The following AFDN variants were observed in gnomAD, a reference collection of about 807,000 sequenced individuals.
AFDN encodes afadin, adherens junction formation factor, also known as afadin.
AFDN carries 68 observed loss-of-function variants against 216.6 expected under a neutral mutation model. That is an observed-to-expected ratio of 0.31 (90% CI 0.26 to 0.38). The LOEUF is 0.38. AFDN is among the 10% of genes least tolerant of loss of function. AFDN has a pLI of 1.00. For synonymous variants in AFDN, 868 were observed against 853.7 expected, an observed-to-expected ratio of 1.02 and a Z score of -0.29; for missense variants, 2,136 against 2,342.0, an observed-to-expected ratio of 0.91 and a Z score of 1.82.
intron 12 of AFDN, among the ~76,000 whole-genome samples, chr6:167,906,060 G>A (rs1184932911): frequency 6.6e-6 from 1 of 152,150 alleles, no homozygotes; most frequent in Non-Finnish European, 1.5e-5. Flanking sequence ...CTGAGATCGC[G>A]CCACTGCACT....
intron 1 of AFDN, among the ~76,000 whole-genome samples, chr6:167,834,783 C>T (rs1780234506): frequency 6.6e-6 from 1 of 151,806 alleles, no homozygotes; most frequent in Non-Finnish European, 1.5e-5. Context: ...AGTTTGTGAC[C>T]AGTCTGGGCA....
At chr6:167,843,089 G>C (rs569895487) in intron 1 of AFDN, among the ~76,000 whole-genome samples, 10 of 152,144 alleles carry the variant, frequency 6.6e-5, no homozygotes, top group Non-Finnish European at 1.2e-4. Flanking sequence ...AAGTGCACTT[G>C]GGTAGCTGAC....
At chr6:167,879,089 C>T (rs964318883) in intron 5 of AFDN, among the ~76,000 whole-genome samples, 4 of 152,210 alleles carry the variant, frequency 2.6e-5, no homozygotes, top group African/African-American at 4.8e-5. Flanking sequence ...GCTGTTGAGG[C>T]AGGAATATCA....
chr6:167,952,770 T>C (rs542582435), intron 30 of AFDN, among the ~76,000 whole-genome samples: 1 of 152,232 alleles, frequency 6.6e-6, no homozygotes, highest in Non-Finnish European at 1.5e-5. Context: ...ATCATTACAT[T>C]TACAGTCATT....
chr6:167,869,033 C>T (rs1784515568), intron 2 of AFDN, among the ~76,000 whole-genome samples: 1 of 151,894 alleles, frequency 6.6e-6, no homozygotes, highest in South Asian at 2.1e-4. Flanking sequence ...ACCTTGGCCT[C>T]CCAAAGTGCT....
chr6:167,944,176 A>G, intron 26 of AFDN, 117 bp downstream of exon 26: 2 of 779,648 alleles, frequency 2.6e-6, no homozygotes, highest in Non-Finnish European at 2.1e-6. Context: ...AGAGAAAGAA[A>G]TTGAGGATGA....
At chr6:167,952,345 G>A (rs745860335) in intron 30 of AFDN, 158 bp downstream of exon 30, 11 of 1,505,978 alleles carry the variant, frequency 7.3e-6, no homozygotes, top group Admixed American at 4.6e-5. Flanking sequence ...GGCTGATGTC[G>A]TAGAGAAATG....
At position 167,918,781 on chromosome 6, in the gene AFDN, A is replaced by G; in HGVS notation, c.2756A>G (p.Glu919Gly). The change falls in exon 21 of 34, where the codon GAG (glutamate) becomes GGG (glycine). Residue 919 changes from glutamate to glycine, a missense_variant. Glu to Gly is a moderately conservative substitution (Grantham distance 98, BLOSUM62 -2). Around this residue, in one of 8 missense-constraint regions of AFDN, gnomAD observed 162 missense variants for 182.6 expected, o/e 0.89. Transcript: ENST00000683244. ...VVTVAENTAD[E>G]LARSDGREVQ... Reference sequence around the variant, plus strand: ...ACTGTGGCTGAAAACACTGCCGATGAGCTGGCCCGCAGTGATGGAAGGGAA... The same window carrying G: ...ACTGTGGCTGAAAACACTGCCGATGGGCTGGCCCGCAGTGATGGAAGGGAA... 1 of 1,614,054 alleles carries G rather than the reference A, an allele frequency of 6.2e-7. No homozygotes were observed. Among genetic ancestry groups the G allele is most frequent in the Non-Finnish European group, 8.5e-7 (1 of 1,179,952 alleles).
chr6:167,879,066 C>T (rs1474284263), intron 5 of AFDN, among the ~76,000 whole-genome samples: 3 of 152,168 alleles, frequency 2.0e-5, no homozygotes, highest in Non-Finnish European at 4.4e-5. Context: ...TACTTCCCAA[C>T]CACAGGATGT....
At chr6:167,885,884 C>G (rs1047907451) in intron 6 of AFDN, among the ~76,000 whole-genome samples, 1 of 152,156 alleles carries the variant, frequency 6.6e-6, no homozygotes, top group Non-Finnish European at 1.5e-5. Context: ...TAAACAAAAC[C>G]AGATAACACA....
chr6:167,941,877 T>TG (rs1398268263), intron 23 of AFDN, among the ~76,000 whole-genome samples: 2 of 152,198 alleles, frequency 1.3e-5, no homozygotes, highest in African/African-American at 4.8e-5. Flanking sequence ...GGAGAATACT[T>TG]GATTTTGCTT....
chr6:167,887,600 C>T (rs139372392), intron 6 of AFDN, among the ~76,000 whole-genome samples: 1,849 of 152,048 alleles, frequency 0.012, 44 homozygotes, highest in African/African-American at 0.039. Context: ...GGACTACAGG[C>T]GCACGCTGCC....
rs537818937 is a variant in AFDN at position 167,971,707 on chromosome 6, A to G, written c.*1772A>G. 9.9e-6 allele frequency: 2 copies of G among 201,236 alleles called. No individual in the cohort carries two copies. Among genetic ancestry groups the G allele is most frequent in the Non-Finnish European group, 2.0e-5 (2 of 97,826 alleles). 12.5% of individuals were successfully genotyped at this position (201,236 alleles called of 1,614,324 possible). On this transcript the variant is annotated 3_prime_UTR_variant, in exon 34 of 34. Transcript: ENST00000683244. ...CATGCAGATACATGTAAATATCTAC[A>G]TACAGGGATATTTGTATGTGTGGTT... is the stretch of plus-strand genomic sequence containing the variant.
At chr6:167,874,611 T>G (rs1175013256) in intron 4 of AFDN, among the ~76,000 whole-genome samples, 2 of 59,774 alleles carry the variant, frequency 3.3e-5, no homozygotes, top group Non-Finnish European at 7.4e-5. Context: ...TTTGCTATAA[T>G]TTTTTTTTTT....
intron 1 of AFDN, among the ~76,000 whole-genome samples, chr6:167,847,137 C>T (rs1308004951): frequency 2.0e-5 from 3 of 152,138 alleles, no homozygotes; most frequent in Admixed American, 6.6e-5. Flanking sequence ...CTGACACATC[C>T]AGTCGTTTAT....
chr6:167,904,488 G>A (rs1037436271), intron 12 of AFDN, among the ~76,000 whole-genome samples: 1 of 152,136 alleles, frequency 6.6e-6, no homozygotes, highest in Non-Finnish European at 1.5e-5. Context: ...AGGATTACAG[G>A]TGTAAGCCAC....
At chr6:167,943,227 G>T in intron 24 of AFDN, 33 bp downstream of exon 24, 1 of 1,582,992 alleles carries the variant, frequency 6.3e-7, no homozygotes, top group Non-Finnish European at 8.7e-7. Flanking sequence ...TACATTTTCA[G>T]TGTGTCATAT....
At chr6:167,963,827 T>C (rs1228710627) in intron 31 of AFDN, 3 of 1,063,600 alleles carry the variant, frequency 2.8e-6, no homozygotes, top group African/African-American at 3.3e-5. Flanking sequence ...TACAAAATGC[T>C]GAGCCGCTTG....
chr6:167,922,845 T>G lies in AFDN; in HGVS notation c.2909-11T>G, dbSNP rs138359285. The G allele has an allele frequency of 1.1e-3, 1,673 of 1,586,086 alleles. 5 individuals are homozygous for G. The highest frequency in any genetic ancestry group is 1.7e-3 in the South Asian group (155 of 88,598). ...GCTTTTTCACTTACAATTTGCTTGT[T>G]TCCTCCTTAGGATTTTGCAGGTTAA... is the stretch of plus-strand genomic sequence containing the variant. On this transcript the variant is annotated splice_polypyrimidine_tract_variant and intron_variant, in intron 21 of 33. Coordinates refer to ENST00000683244, the MANE Select transcript of AFDN (RefSeq NM_001386888.1).
Sources: gnomAD v4.1 joint callset for allele counts (sites outside exome capture counted in the v4.1 genomes callset) on GRCh38, gnomAD v4.1.1 for gene constraint, gnomAD v4.1.1 regional missense constraint, MANE v1.5 for transcripts, NCBI Gene and HGNC (gene_info 2026-07-23, HGNC 2026-07-21) for gene names.